ATP9A: variants seen among roughly 807,000 people sequenced by gnomAD.
ATP9A encodes the protein probable phospholipid-transporting ATPase IIA.
A neutral mutation model predicts 144.1 loss-of-function variants in ATP9A; 52 were observed. The observed-to-expected ratio is 0.36, with a 90% CI of 0.29 to 0.45. The LOEUF (loss-of-function observed/expected upper bound fraction) is 0.45. Among genes scored for constraint, ATP9A ranks in the 20% least tolerant of loss-of-function variants. ATP9A has a pLI of 1.00. For missense variants in ATP9A, 947 were observed against 1,392.7 expected (o/e 0.68, Z 5.09); for synonymous variants, 582 against 557.4 (o/e 1.04, Z -0.62).
intron 7 of ATP9A, among the ~76,000 whole-genome samples, chr20:51,693,543 T>C (rs1318610826): frequency 1.3e-5 from 2 of 152,112 alleles, no homozygotes; most frequent in Non-Finnish European, 2.9e-5. Context: ...ATTACTTTTA[T>C]TAGATACAGG....
At position 51,673,662 on chromosome 20, in the gene ATP9A, T is replaced by C. The variant is rs145393133; in HGVS notation, c.1037+491A>G. On this transcript the variant is annotated intron_variant, in intron 11 of 27. Coordinates refer to ENST00000338821, the MANE Select transcript of ATP9A (RefSeq NM_006045.3). Reference sequence around the variant, plus strand: ...ATCTCTGATTCAAGAAAGGATGGCTTGTGGAGGAATGTGATCTTCTGGTGC... The same window carrying C: ...ATCTCTGATTCAAGAAAGGATGGCTCGTGGAGGAATGTGATCTTCTGGTGC... Among the ~76,000 whole-genome samples, 492 of 152,268 alleles carry C rather than the reference T, an allele frequency of 3.2e-3. 3 individuals carry two copies. The highest frequency in any genetic ancestry group is 0.011 in the African/African-American group (476 of 41,570).
In ATP9A at chr20:51,691,448, G is replaced by A. The variant is rs138508294; in HGVS notation, c.643-629C>T. Reference sequence around the variant, plus strand: ...CGCGCCACTGCATTCCAGCCTGGGCGACAGAGCGAGACTCCGTCTCAAAAA... The same window carrying A: ...CGCGCCACTGCATTCCAGCCTGGGCAACAGAGCGAGACTCCGTCTCAAAAA... On this transcript the variant is annotated intron_variant, in intron 7 of 27. Transcript: ENST00000338821. 7.4e-3 allele frequency among the ~76,000 whole-genome samples: 1,133 copies of A among 152,282 alleles called. 16 individuals are homozygous for A. The highest frequency in any genetic ancestry group is 0.026 in the African/African-American group (1,072 of 41,534).
intron 9 of ATP9A, among the ~76,000 whole-genome samples, chr20:51,688,618 GA>G (rs1360620597): frequency 1.3e-5 from 2 of 151,800 alleles, no homozygotes; most frequent in Non-Finnish European, 2.9e-5. Context: ...AAAAAAAAGA[GA>G]AAAAGAAAAA....
At chr20:51,750,513 G>A (rs919494299) in intron 1 of ATP9A, among the ~76,000 whole-genome samples, 13 of 152,204 alleles carry the variant, frequency 8.5e-5, no homozygotes, top group African/African-American at 3.1e-4. Flanking sequence ...AGAATCCAGT[G>A]GAAGGCAATT....
chr20:51,703,382 A>G (rs1380748860), intron 4 of ATP9A, among the ~76,000 whole-genome samples: 1 of 152,204 alleles, frequency 6.6e-6, no homozygotes, highest in African/African-American at 2.4e-5. Flanking sequence ...CATTTGCAGA[A>G]ATTCTACAAA....
Position 51,657,391 on chromosome 20 carries a change from C to G in ATP9A, c.1294-241G>C, listed in dbSNP as rs183525715. On this transcript the variant is annotated intron_variant, in intron 13 of 27. Transcript: ENST00000338821. Reference sequence around the variant, plus strand: ...AAAAATACAATTTAATGAACGAGAACGATTCTACCTGCAGATTGAGTGAAT... The same window carrying G: ...AAAAATACAATTTAATGAACGAGAAGGATTCTACCTGCAGATTGAGTGAAT... Among the ~76,000 whole-genome samples, 103 of 151,846 alleles carry G rather than the reference C, an allele frequency of 6.8e-4. 1 individual carries two copies. The South Asian group carries it at 0.012, about 17-fold the overall frequency.
intron 13 of ATP9A, among the ~76,000 whole-genome samples, chr20:51,660,618 T>C (rs984314998): frequency 3.3e-5 from 5 of 152,232 alleles, no homozygotes; most frequent in African/African-American, 9.6e-5. Context: ...GAAATACTCA[T>C]TGGTGCTGAA....
intron 15 of ATP9A, among the ~76,000 whole-genome samples, chr20:51,638,576 C>A (rs956218554): frequency 2.6e-5 from 4 of 152,034 alleles, no homozygotes; most frequent in African/African-American, 9.7e-5. Flanking sequence ...AAAGAGAAAA[C>A]AGAGGGATGG....
At position 51,685,581 on chromosome 20, in the gene ATP9A, A is replaced by AAAAAGAAAAG. The variant is rs111421061; in HGVS notation, c.799+3473_799+3482dup. On this transcript the variant is annotated intron_variant, in intron 9 of 27. Transcript: ENST00000338821. Reference sequence around the variant, plus strand: ...TCAGTCTCAGAAAAAAAAGAAAAGAAAAAAGAAAAGAAAAGAAAAACAGAC... The same window carrying AAAAAGAAAAG: ...TCAGTCTCAGAAAAAAAAGAAAAGAAAAAAGAAAAGAAAAGAAAAGAAAAGAAAAACAGAC... Among the ~76,000 whole-genome samples, 199 of 150,206 alleles carry AAAAAGAAAAG rather than the reference A, an allele frequency of 1.3e-3. 5 individuals carry two copies. The East Asian group carries it at 0.032, about 24-fold the overall frequency.
Position 51,608,545 on chromosome 20 carries a change from A to AT in ATP9A, c.2717dup (p.Tyr906Ter), listed in dbSNP as rs2077172681. 1 of 1,610,214 alleles carries AT rather than the reference A, an allele frequency of 6.2e-7. No homozygotes were observed. Reference sequence around the variant, plus strand: ...TGAGAAGATCCTTGTAGAGCTCAGGATACAGCATGGCAACTTCCGATTTGA... The same window carrying AT: ...TGAGAAGATCCTTGTAGAGCTCAGGATTACAGCATGGCAACTTCCGATTTGA... ...KDVKSEVAMLYPELYKDLLKG... is the reference protein window; with the variant it reads ...KDVKSEVAML The change falls in exon 25 of 28, where the codon TAT becomes TAAT. Residue 906 changes from tyrosine to a stop codon, truncating the protein, a stop_gained and frameshift_variant. Coordinates refer to ENST00000338821, the MANE Select transcript of ATP9A (RefSeq NM_006045.3). LOFTEE classifies it high-confidence loss of function.
chr20:51,761,714 T>C (rs950825567), intron 1 of ATP9A, among the ~76,000 whole-genome samples: 1 of 150,696 alleles, frequency 6.6e-6, no homozygotes, highest in Non-Finnish European at 1.5e-5. Context: ...GAGCCAAGGT[T>C]GCGCCACTGC....
In ATP9A at chr20:51,618,969, C is replaced by T. The variant is rs770026971; in HGVS notation, c.2190G>A (p.Ser730=). Reference sequence around the variant, plus strand: ...CCAAGCTCACCTCCAGGGAGTCTCCCGAGATGACCAGGGCACAATCATGCT... The same window carrying T: ...CCAAGCTCACCTCCAGGGAGTCTCCTGAGATGACCAGGGCACAATCATGCT... ...RRKHDCALVI[S]GDSLEVCLKY... is the part of the protein sequence containing the mutation. Residue 730 remains serine (S), a synonymous_variant, in exon 20 of 28, where the codon TCG becomes TCA. Transcript: ENST00000338821. 1.6e-5 allele frequency: 26 copies of T among 1,614,026 alleles called. No homozygotes were observed. The South Asian group carries it at 2.1e-4, about 13-fold the overall frequency.
chr20:51,646,052 C>T (rs745737937), intron 14 of ATP9A, among the ~76,000 whole-genome samples: 2 of 152,042 alleles, frequency 1.3e-5, no homozygotes, highest in African/African-American at 4.8e-5. Flanking sequence ...GTAGAAAGGG[C>T]GGGGAGGGGA....
intron 1 of ATP9A, among the ~76,000 whole-genome samples, chr20:51,736,708 A>C (rs190021972): frequency 6.6e-6 from 1 of 152,208 alleles, no homozygotes; most frequent in East Asian, 1.9e-4. Flanking sequence ...AACTTGCTGA[A>C]TTGTACACTT....
At chr20:51,757,593 C>A (rs569890766) in intron 1 of ATP9A, among the ~76,000 whole-genome samples, 2 of 152,252 alleles carry the variant, frequency 1.3e-5, no homozygotes, top group Non-Finnish European at 2.9e-5. Flanking sequence ...AGAGTTTCTG[C>A]AAATTCTGTT....
At chr20:51,681,728 C>T (rs556628196) in intron 9 of ATP9A, among the ~76,000 whole-genome samples, 3 of 152,022 alleles carry the variant, frequency 2.0e-5, no homozygotes, top group East Asian at 1.9e-4. Context: ...AGCCTCCATC[C>T]GAAACTTCTA....
At chr20:51,712,090 TGAGATGGAGTCTC>T (rs1393129847) in intron 4 of ATP9A, among the ~76,000 whole-genome samples, 1 of 149,208 alleles carries the variant, frequency 6.7e-6, no homozygotes, top group Non-Finnish European at 1.5e-5. Flanking sequence ...TTTTTTTTTT[TGAGATGGAGTCTC>T]GCTCTGTCGC....
chr20:51,733,147 C>T (rs1259175733), intron 1 of ATP9A, among the ~76,000 whole-genome samples: 4 of 152,146 alleles, frequency 2.6e-5, no homozygotes, highest in Non-Finnish European at 1.5e-5. Context: ...ATTACTTAGC[C>T]TATCACCTTT....
chr20:51,768,201 G>A (rs1236467802), intron 1 of ATP9A, 101 bp downstream of exon 1: 1 of 687,548 alleles, frequency 1.5e-6, no homozygotes, highest in Non-Finnish European at 1.9e-6. Flanking sequence ...CATGGCGCCG[G>A]GCGCGGCGCG....
Sources: gnomAD v4.1 joint callset for allele counts (sites outside exome capture counted in the v4.1 genomes callset) on GRCh38, gnomAD v4.1.1 for gene constraint, MANE v1.5 for transcripts, NCBI Gene and HGNC (gene_info 2026-07-23, HGNC 2026-07-21) for gene names.